ATRNL1: variants seen among roughly 807,000 people sequenced by gnomAD.
ATRNL1 encodes the protein attractin-like protein 1.
ATRNL1 carries 95 observed loss-of-function variants against 182.7 expected under a neutral mutation model. The observed-to-expected ratio is 0.52, with a 90% CI of 0.44 to 0.62. The LOEUF (loss-of-function observed/expected upper bound fraction) is 0.62. Among genes scored for constraint, ATRNL1 ranks in the 20% least tolerant of loss-of-function variants. The pLI, the probability that ATRNL1 is intolerant of heterozygous loss-of-function variation, is 0.00. For missense variants in ATRNL1, 1,471 were observed against 1,679.5 expected (o/e 0.88, Z 2.17); for synonymous variants, 576 against 568.3 (o/e 1.01, Z -0.19).
intron 26 of ATRNL1, among the ~76,000 whole-genome samples, chr10:115,688,323 G>T (rs1946284586): frequency 2.0e-5 from 3 of 152,124 alleles, no homozygotes; most frequent in Admixed American, 2.0e-4. Context: ...CCTTTGGATA[G>T]ATACCCAGTA....
At chr10:115,306,137 C>G (rs1320485219) in intron 17 of ATRNL1, among the ~76,000 whole-genome samples, 20 of 151,936 alleles carry the variant, frequency 1.3e-4, no homozygotes, top group African/African-American at 4.8e-4. Context: ...TGTTTTTTTA[C>G]AATTTTTTTT....
At chr10:115,513,584 C>G (rs1305346734) in intron 24 of ATRNL1, among the ~76,000 whole-genome samples, 2 of 151,930 alleles carry the variant, frequency 1.3e-5, no homozygotes, top group South Asian at 2.1e-4. Context: ...ATGTATACCC[C>G]TTAAGGAGGG....
chr10:115,639,370 C>A (rs1730605747), intron 26 of ATRNL1, among the ~76,000 whole-genome samples: 1 of 152,180 alleles, frequency 6.6e-6, no homozygotes, highest in Admixed American at 6.5e-5. Context: ...CTGCTACAGA[C>A]CTTCCTTTAA....
chr10:115,564,704 T>C (rs1555001050), intron 26 of ATRNL1, among the ~76,000 whole-genome samples: 1 of 151,970 alleles, frequency 6.6e-6, no homozygotes, highest in East Asian at 1.9e-4. Flanking sequence ...CCCACTCAAT[T>C]ATTCTCTCCT....
intron 26 of ATRNL1, among the ~76,000 whole-genome samples, chr10:115,679,573 C>G (rs1945982080): frequency 6.6e-6 from 1 of 152,062 alleles, no homozygotes; most frequent in Non-Finnish European, 1.5e-5. Context: ...ATTCTGATCT[C>G]TACCCTGAGT....
chr10:115,936,043 A>T lies in ATRNL1; in HGVS notation c.4019-8615A>T, dbSNP rs532259401. The stretch of plus-strand genomic sequence containing the variant: ...ACATTGTCTGTTTGTCTTTGAATCT[A>T]TCTTTCTAATAATTGTTTCCTTACA... On this transcript the variant is annotated intron_variant, in intron 28 of 28. Transcript: ENST00000355044. Among the ~76,000 whole-genome samples, 28 of 152,346 alleles carry T rather than the reference A, an allele frequency of 1.8e-4. 1 individual carries two copies. In the South Asian group the frequency reaches 3.3e-3, roughly 18 times the overall value.
intron 1 of ATRNL1, among the ~76,000 whole-genome samples, chr10:115,106,155 C>T (rs1418376270): frequency 6.6e-6 from 1 of 152,196 alleles, no homozygotes; most frequent in Non-Finnish European, 1.5e-5. Context: ...TCAGCATGAC[C>T]TAGATGAGAG....
chr10:115,811,999 A>G (rs551744478), intron 27 of ATRNL1, among the ~76,000 whole-genome samples: 3 of 152,206 alleles, frequency 2.0e-5, no homozygotes, highest in Non-Finnish European at 4.4e-5. Context: ...TTTTATTTTT[A>G]TGGTAAAATA....
At chr10:115,262,241 A>T (rs1162067454) in intron 10 of ATRNL1, among the ~76,000 whole-genome samples, 1 of 151,526 alleles carries the variant, frequency 6.6e-6, no homozygotes, top group Non-Finnish European at 1.5e-5. Context: ...GTATATATTT[A>T]AAAATGATAA....
intron 19 of ATRNL1, among the ~76,000 whole-genome samples, chr10:115,368,106 G>A (rs377293792): frequency 2.6e-5 from 4 of 152,188 alleles, no homozygotes; most frequent in Admixed American, 6.5e-5. Flanking sequence ...GGGCAATGGC[G>A]GGCGCCCCTC....
rs1198295103 is a variant in ATRNL1, at chr10:115,948,361, T to G, written c.*3582T>G. The G allele has an allele frequency of 6.6e-6, 1 of 152,214 alleles. No individual in the cohort carries two copies. The highest frequency in any genetic ancestry group is 2.4e-5 in the African/African-American group (1 of 41,466). The allele number at this position is 152,214 out of a possible 1,614,324, so 9.4% of individuals were successfully genotyped here. A position where few individuals can be genotyped will look rare whatever the true frequency, so the allele number is the denominator to read the frequency against. ...ACTATGATTTGAAAGGTGTCTTATA[T>G]TTAAAAAAGATTGTAAAATGAAAAC... On this transcript the variant is annotated 3_prime_UTR_variant, in exon 29 of 29. Coordinates refer to ENST00000355044, the MANE Select transcript of ATRNL1 (RefSeq NM_207303.4).
intron 24 of ATRNL1, among the ~76,000 whole-genome samples, chr10:115,505,182 AC>A (rs566611004): frequency 3.3e-4 from 51 of 152,250 alleles, no homozygotes; most frequent in Middle Eastern, 6.8e-3. Flanking sequence ...TTATTTAGAT[AC>A]AGACTACATA....
At chr10:115,688,936 A>G (rs1441532350) in intron 26 of ATRNL1, among the ~76,000 whole-genome samples, 1 of 152,022 alleles carries the variant, frequency 6.6e-6, no homozygotes, top group African/African-American at 2.4e-5. Context: ...TTTGGGTCTT[A>G]ATTTAAGTCA....
chr10:115,135,624 A>AG (rs1845472384), intron 5 of ATRNL1, among the ~76,000 whole-genome samples: 1 of 152,238 alleles, frequency 6.6e-6, no homozygotes, highest in African/African-American at 2.4e-5. Flanking sequence ...GGTAATTTAT[A>AG]GATCAGTGCC....
At chr10:115,484,417 C>T (rs1554974778) in intron 24 of ATRNL1, among the ~76,000 whole-genome samples, 1 of 151,380 alleles carries the variant, frequency 6.6e-6, no homozygotes, top group Admixed American at 6.6e-5. Context: ...ATATCAAATG[C>T]AGTGGCAGAA....
At chr10:115,612,644 T>C (rs2133780823) in intron 26 of ATRNL1, among the ~76,000 whole-genome samples, 1 of 152,362 alleles carries the variant, frequency 6.6e-6, no homozygotes, top group Non-Finnish European at 1.5e-5. Context: ...ATGCATTCAC[T>C]AGCTGTCCTT....
intron 27 of ATRNL1, among the ~76,000 whole-genome samples, chr10:115,794,576 G>A (rs1949605937): frequency 6.6e-6 from 1 of 152,016 alleles, no homozygotes; most frequent in Non-Finnish European, 1.5e-5. Flanking sequence ...ATGGATTTTA[G>A]AATGTCCCTC....
chr10:115,233,293 A>G (rs1850036511), intron 9 of ATRNL1, among the ~76,000 whole-genome samples: 1 of 152,182 alleles, frequency 6.6e-6, no homozygotes, highest in African/African-American at 2.4e-5. Context: ...TTTTGGGAGG[A>G]CAGTATTCAT....
At chr10:115,143,703 A>G (rs923942338) in intron 5 of ATRNL1, among the ~76,000 whole-genome samples, 1 of 152,070 alleles carries the variant, frequency 6.6e-6, no homozygotes, top group African/African-American at 2.4e-5. Context: ...AGAGGAGGAG[A>G]GAGCGAGAGC....
Sources: allele counts gnomAD v4.1 joint callset (sites outside exome capture counted in the v4.1 genomes callset), GRCh38; gene constraint gnomAD v4.1.1; transcripts MANE v1.5; gene names NCBI Gene and HGNC (gene_info 2026-07-23, HGNC 2026-07-21).